Variants in CFAP69 observed in about 807,000 individuals in gnomAD.
CFAP69 encodes cilia- and flagella-associated protein 69.
In CFAP69, 92 loss-of-function variants were observed where a neutral mutation model predicts 123.0. That is an observed-to-expected ratio of 0.75 (90% CI 0.63 to 0.89). The LOEUF (loss-of-function observed/expected upper bound fraction) is 0.89, where lower values mean the gene tolerates loss of function less well. Ranked by LOEUF, CFAP69 falls within the 40% of genes least tolerant of loss-of-function variation. The probability of loss-of-function intolerance (pLI) is 0.00; values close to 1 mark genes in which losing one functional copy is unlikely to be tolerated. For synonymous variants in CFAP69, 380 were observed against 364.3 expected (o/e 1.04, Z -0.49); for missense variants, 1,067 against 1,096.9 (o/e 0.97, Z 0.39).
At chr7:90,255,400 A>G (rs773710986) in intron 1 of CFAP69, 23 bp from the exon 2 acceptor site, 1 of 1,591,450 alleles carries the variant, frequency 6.3e-7, no homozygotes, top group South Asian at 1.1e-5. Context: ...GATCTAGAAT[A>G]GTAAGAGTTG....
intron 3 of CFAP69, among the ~76,000 whole-genome samples, chr7:90,261,379 TA>T (rs1454529874): frequency 6.8e-6 from 1 of 146,392 alleles, no homozygotes; most frequent in African/African-American, 2.6e-5. Context: ...TTTAAATAGA[TA>T]AAATAAAAGA....
chr7:90,275,204 T>A (rs1788400941), intron 9 of CFAP69, among the ~76,000 whole-genome samples: 1 of 152,208 alleles, frequency 6.6e-6, no homozygotes, highest in African/African-American at 2.4e-5. Flanking sequence ...AGAGTTCTTA[T>A]CTTTCTATTC....
Position 90,263,845 on chromosome 7 carries a change from C to A in CFAP69, c.357-1456C>A, listed in dbSNP as rs367591639. Reference sequence around the variant, plus strand: ...TGGCTCATACCTGTTAATCCCAGCACTTTGGGAGGCCGAGGCAGGCAGATC... The same window carrying A: ...TGGCTCATACCTGTTAATCCCAGCAATTTGGGAGGCCGAGGCAGGCAGATC... On this transcript the variant is annotated intron_variant, in intron 4 of 22. Coordinates refer to ENST00000389297, the MANE Select transcript of CFAP69 (RefSeq NM_001039706.3). Among the ~76,000 whole-genome samples the A allele has an allele frequency of 9.9e-5, 15 of 151,790 alleles. No individual in the cohort carries two copies. The South Asian group carries it at 3.1e-3, about 32-fold the overall frequency.
Position 90,276,599 on chromosome 7 carries a change from G to A in CFAP69, c.985-474G>A, listed in dbSNP as rs372123742. ...GATTCTTCAGGGCTTTTCATGCTAA[G>A]TAGGAACTACTTTATTATCTCTTGA... On this transcript the variant is annotated intron_variant, in intron 9 of 22. Transcript: ENST00000389297. Among the ~76,000 whole-genome samples the A allele has an allele frequency of 4.6e-5, 7 of 152,290 alleles. No homozygotes were observed. In the South Asian group the frequency reaches 1.5e-3, roughly 32 times the overall value.
intron 21 of CFAP69, among the ~76,000 whole-genome samples, chr7:90,308,914 C>T (rs1793987277): frequency 6.6e-6 from 1 of 152,018 alleles, no homozygotes; most frequent in African/African-American, 2.4e-5. Flanking sequence ...ATATGTTTTG[C>T]AATATGCATC....
chr7:90,297,687 G>A, intron 15 of CFAP69, 62 bp from the exon 16 acceptor site: 1 of 1,003,518 alleles, frequency 1.0e-6, no homozygotes, highest in East Asian at 2.7e-5. Flanking sequence ...TAAAGATAAA[G>A]CTGTACAAAT....
downstream of CFAP69, among the ~76,000 whole-genome samples, chr7:90,315,374 C>T (rs758080519): frequency 3.3e-5 from 5 of 152,132 alleles, no homozygotes; most frequent in Non-Finnish European, 7.4e-5. Context: ...TCATGACAGA[C>T]TGGATAAAGA....
chr7:90,252,851 T>C (rs1797189657), intron 1 of CFAP69, among the ~76,000 whole-genome samples: 1 of 152,150 alleles, frequency 6.6e-6, no homozygotes, highest in Admixed American at 6.6e-5. Context: ...TATATGAATT[T>C]GTAATTTTTA....
At chr7:90,269,909 C>G (rs1799711101) in intron 6 of CFAP69, among the ~76,000 whole-genome samples, 1 of 152,006 alleles carries the variant, frequency 6.6e-6, no homozygotes. Flanking sequence ...GTGAAATTCT[C>G]AAAGAAAGCA....
intron 1 of CFAP69, among the ~76,000 whole-genome samples, chr7:90,247,887 C>A (rs1796524531): frequency 6.6e-6 from 1 of 152,076 alleles, no homozygotes; most frequent in African/African-American, 2.4e-5. Context: ...AATATATAAG[C>A]AAACTTATAC....
chr7:90,268,324 C>T lies in CFAP69; in HGVS notation c.472C>T (p.Gln158Ter), dbSNP rs1799446952. 1 of 1,609,422 alleles carries T rather than the reference C, an allele frequency of 6.2e-7. No individual in the cohort carries two copies. The highest frequency in any genetic ancestry group is 8.5e-7 in the Non-Finnish European group (1 of 1,178,508). ...AATACCAAGTTCTGAATTGAGGATA[C>T]AAATTTGTAAGTGTATTGTTGATTT... The part of the protein sequence containing the change: ...MKIPSSELRI[Q>*]ICKCIVDFYH... The change falls in exon 6 of 23, where the codon CAA becomes TAA. Residue 158 changes from glutamine (Q) to a stop codon, truncating the protein, a stop_gained. Coordinates refer to ENST00000389297, the MANE Select transcript of CFAP69 (RefSeq NM_001039706.3). LOFTEE classifies it high-confidence loss of function.
chr7:90,263,232 C>T (rs2116772329), intron 4 of CFAP69, among the ~76,000 whole-genome samples: 1 of 151,988 alleles, frequency 6.6e-6, no homozygotes, highest in Middle Eastern at 3.4e-3. Context: ...CTTCATTTTC[C>T]CTCATATTTC....
chr7:90,318,365 T>C, the CFAP69 span: 1 of 152,168 alleles, frequency 6.6e-6, no homozygotes, highest in East Asian at 1.9e-4. Context: ...TTATTGTTCC[T>C]TTTTCAAAAC....
chr7:90,254,245 CA>C (rs1797375345), intron 1 of CFAP69, among the ~76,000 whole-genome samples: 1 of 152,048 alleles, frequency 6.6e-6, no homozygotes, highest in Non-Finnish European at 1.5e-5. Flanking sequence ...TATAGTTTTG[CA>C]GTATATTTTG....
the CFAP69 span, among the ~76,000 whole-genome samples, chr7:90,320,078 T>G: frequency 6.6e-6 from 1 of 152,242 alleles, no homozygotes; most frequent in Non-Finnish European, 1.5e-5. Context: ...GATTAGATCA[T>G]TAGTGATACG....
chr7:90,250,225 A>AGAGAGAGAGAGG (rs1796832849), intron 1 of CFAP69, among the ~76,000 whole-genome samples: 1 of 121,708 alleles, frequency 8.2e-6, no homozygotes, highest in Non-Finnish European at 1.7e-5. Context: ...AGAGAGAGAG[A>AGAGAGAGAGAGG]GAGAGAGAGA....
the CFAP69 span, chr7:90,318,411 G>T: frequency 1.3e-5 from 2 of 152,164 alleles, no homozygotes; most frequent in Middle Eastern, 3.4e-3. Flanking sequence ...AAAGGTTTTA[G>T]TCCTTAATGC....
intron 12 of CFAP69, 116 bp from the exon 13 acceptor site, chr7:90,282,776 A>C: frequency 2.4e-6 from 2 of 826,318 alleles, no homozygotes; most frequent in Non-Finnish European, 3.4e-6. Flanking sequence ...AAAAAACTAA[A>C]GCAAATATGA....
chr7:90,316,199 T>A, the CFAP69 span, among the ~76,000 whole-genome samples: 1 of 152,244 alleles, frequency 6.6e-6, no homozygotes, highest in South Asian at 2.1e-4. Context: ...GTGGGGTCAA[T>A]ATTAGATCCT....
Sources: allele counts gnomAD v4.1 joint callset (sites outside exome capture counted in the v4.1 genomes callset), GRCh38; gene constraint gnomAD v4.1.1; transcripts MANE v1.5; gene names NCBI Gene and HGNC (gene_info 2026-07-23, HGNC 2026-07-21).